UMPS: variants seen among roughly 807,000 people sequenced by gnomAD.
UMPS encodes the protein uridine 5'-monophosphate synthase.
UMPS carries 21 observed loss-of-function variants against 38.9 expected under a neutral mutation model. The ratio of observed to expected loss-of-function variants is 0.54; its 90% CI spans 0.38 to 0.78. The LOEUF is 0.78. UMPS is among the 30% of genes least tolerant of loss of function. The pLI is 0.00. For synonymous variants in UMPS, 208 were observed against 219.3 expected (o/e 0.95, Z 0.45); for missense variants, 533 against 591.6 (o/e 0.90, Z 1.03).
chr3:124,748,601 T>C lies in UMPS; in HGVS notation c.*4517T>C. On this transcript the variant is annotated 3_prime_UTR_variant, in exon 6 of 6. Coordinates refer to ENST00000232607, the MANE Select transcript of UMPS (RefSeq NM_000373.4). ...CAGAGTCAGATCCTGGTGTGGGCTCTCACGTGCTGCTGCTGAATCCCAGGG... is the reference window on the plus strand; with the variant it reads ...CAGAGTCAGATCCTGGTGTGGGCTCCCACGTGCTGCTGCTGAATCCCAGGG... 1 of 454,040 alleles carries C rather than the reference T, an allele frequency of 2.2e-6. No individual in the cohort carries two copies. The highest frequency in any genetic ancestry group is 1.6e-5 in the South Asian group (1 of 64,452). The allele number at this position is 454,040 out of a possible 1,614,324, so 28.1% of individuals were successfully genotyped here. A position where few individuals can be genotyped will look rare whatever the true frequency, so the allele number is the denominator to read the frequency against.
chr3:124,746,632 G>C lies in UMPS; in HGVS notation c.*2548G>C. On this transcript the variant is annotated 3_prime_UTR_variant, in exon 6 of 6. Coordinates refer to ENST00000232607, the MANE Select transcript of UMPS (RefSeq NM_000373.4). ...CATTGTAACTCCTGGTCTTAGTGGG[G>C]AATATAGGGACCCCATGTCTCCATG... The C allele has an allele frequency of 2.2e-6, 1 of 454,084 alleles. No homozygotes were observed. Among genetic ancestry groups the C allele is most frequent in the Non-Finnish European group, 4.4e-6 (1 of 226,796 alleles). 28.1% of individuals were successfully genotyped at this position (454,084 alleles called of 1,614,324 possible). A position where few individuals can be genotyped will look rare whatever the true frequency, so the allele number is the denominator to read the frequency against.
At chr3:124,739,895 TG>T (rs2063544219) in intron 3 of UMPS, 128 bp from the exon 4 acceptor site, 2 of 904,672 alleles carry the variant, frequency 2.2e-6, no homozygotes, top group Middle Eastern at 3.1e-4. Context: ...CTAAAGTTCC[TG>T]AAGAGTTTTG....
rs1190853278 is a variant in UMPS, at chr3:124,738,046, CAG to C, written c.794_795del (p.Glu265AlafsTer11). On this transcript the variant is annotated frameshift_variant, in exon 3 of 6. Coordinates refer to ENST00000232607, the MANE Select transcript of UMPS (RefSeq NM_000373.4). LOFTEE classifies it high-confidence loss of function. The stretch of plus-strand genomic sequence containing the variant: ...GTCTATCTGCTGATGTTTCACTGGC[CAG>C]AGAGCTGTTGCAGCTAGCAGATGCT... ...LCLSADVSLARELLQLADALG... is the reference protein window; with the variant it reads ...LCLSADVSLAXELLQLADALG... The C allele has an allele frequency of 6.2e-7, 1 of 1,614,056 alleles. No individual in the cohort carries two copies. The highest frequency in any genetic ancestry group is 8.5e-7 in the Non-Finnish European group (1 of 1,180,044).
At chr3:124,731,448 AGAACAATG>A in intron 1 of UMPS, 2 of 380,972 alleles carry the variant, frequency 5.2e-6, no homozygotes, top group South Asian at 4.2e-5. Flanking sequence ...TGTGATACAA[AGAACAATG>A]TATAGCTAAT....
Position 124,748,842 on chromosome 3 carries a change from GA to G in UMPS, c.*4760del, listed in dbSNP as rs1280413123. ...TCCAGAGTAACATTATAGAGAAGCT[GA>G]ATTCTCCTGTTTTTCTGAAAAGGGC... is the stretch of plus-strand genomic sequence containing the variant. On this transcript the variant is annotated 3_prime_UTR_variant, in exon 6 of 6. Coordinates refer to ENST00000232607, the MANE Select transcript of UMPS (RefSeq NM_000373.4). The G allele has an allele frequency of 4.9e-6, 2 of 411,578 alleles. No homozygotes were observed. Among genetic ancestry groups the G allele is most frequent in the East Asian group, 1.4e-4 (2 of 14,134 alleles). The allele number at this position is 411,578 out of a possible 1,614,324, so 25.5% of individuals were successfully genotyped here. A position where few individuals can be genotyped will look rare whatever the true frequency, so the allele number is the denominator to read the frequency against.
At chr3:124,734,528 G>T (rs900281951) in intron 1 of UMPS, among the ~76,000 whole-genome samples, 3 of 152,092 alleles carry the variant, frequency 2.0e-5, no homozygotes, top group African/African-American at 7.2e-5. Context: ...CACATCTCAG[G>T]TTGCCTTCAG....
In UMPS at chr3:124,738,185, T is replaced by C. The variant is rs755476006; in HGVS notation, c.928T>C (p.Phe310Leu). 1.2e-6 allele frequency: 2 copies of C among 1,614,072 alleles called. No individual in the cohort carries two copies. The highest frequency in any genetic ancestry group is 8.5e-7 in the Non-Finnish European group (1 of 1,180,046). The change falls in exon 3 of 6, where the codon TTT (phenylalanine) becomes CTT (leucine). Residue 310 changes from phenylalanine to leucine, a missense_variant. Coordinates refer to ENST00000232607, the MANE Select transcript of UMPS (RefSeq NM_000373.4). ...GGCAAAATGCCATGAGTTCTTGATA[T>C]TTGAAGACCGGAAGTTTGCAGATAT... ...TLAKCHEFLI[F>L]EDRKFADIGN... is the part of the protein sequence containing the mutation.
intron 4 of UMPS, among the ~76,000 whole-genome samples, chr3:124,741,751 T>G (rs940327279): frequency 1.3e-5 from 2 of 152,204 alleles, no homozygotes; most frequent in African/African-American, 4.8e-5. Context: ...GGATTTCTGC[T>G]TTACGTATGG....
intron 1 of UMPS, among the ~76,000 whole-genome samples, chr3:124,732,211 AC>A (rs1300218289): frequency 2.3e-4 from 35 of 152,354 alleles, no homozygotes; most frequent in Admixed American, 7.2e-4. Context: ...AGTCAGGGCA[AC>A]TACTCATATT....
Position 124,744,230 on chromosome 3 carries a change from G to A in UMPS, c.*146G>A. On this transcript the variant is annotated 3_prime_UTR_variant, in exon 6 of 6. Transcript: ENST00000232607. ...TAAGAATGGGTTCTGGAGTTCTCAT[G>A]GTCTTTAGGAAATATTGAGTAATTT... The A allele has an allele frequency of 1.1e-6, 1 of 907,408 alleles. No homozygotes were observed. The highest frequency in any genetic ancestry group is 1.4e-5 in the South Asian group (1 of 71,290). The allele number at this position is 907,408 out of a possible 1,614,324, so 56.2% of individuals were successfully genotyped here.
At chr3:124,742,034 G>C in intron 4 of UMPS, 118 bp from the exon 5 acceptor site, 1 of 870,234 alleles carries the variant, frequency 1.1e-6, no homozygotes, top group East Asian at 2.4e-5. Flanking sequence ...AGGGAACATA[G>C]GGAGACCTCA....
In UMPS at chr3:124,747,779, C is replaced by T. The variant is rs1313715635; in HGVS notation, c.*3695C>T. On this transcript the variant is annotated 3_prime_UTR_variant, in exon 6 of 6. Coordinates refer to ENST00000232607, the MANE Select transcript of UMPS (RefSeq NM_000373.4). The stretch of plus-strand genomic sequence containing the variant: ...CCACCAGGAACCAGTCTTCTGCCTT[C>T]CCAACCATCACCTCTGGCTGCATCA... 4.4e-6 allele frequency: 2 copies of T among 450,668 alleles called. No homozygotes were observed. The highest frequency in any genetic ancestry group is 8.9e-6 in the Non-Finnish European group (2 of 223,784). 27.9% of individuals were successfully genotyped at this position (450,668 alleles called of 1,614,324 possible).
rs1422858310 is a variant in UMPS, at chr3:124,744,998, G to A, written c.*914G>A. On this transcript the variant is annotated 3_prime_UTR_variant, in exon 6 of 6. Coordinates refer to ENST00000232607, the MANE Select transcript of UMPS (RefSeq NM_000373.4). ...TTTCAACAACCGGAGTTGGGGTTTG[G>A]GCTCATTTTTTCCCCTAGCCAGCAA... 2.2e-6 allele frequency: 1 copy of A among 454,012 alleles called. No homozygotes were observed. Among genetic ancestry groups the A allele is most frequent in the Non-Finnish European group, 4.4e-6 (1 of 226,776 alleles). The allele number at this position is 454,012 out of a possible 1,614,324, so 28.1% of individuals were successfully genotyped here.
Position 124,747,912 on chromosome 3 carries a change from T to A in UMPS, c.*3828T>A, listed in dbSNP as rs1182119134. On this transcript the variant is annotated 3_prime_UTR_variant, in exon 6 of 6. Transcript: ENST00000232607. Reference sequence around the variant, plus strand: ...AATGACCATGAGTAACCCTGTGGACTCTCTGCAGCTTGGTTCCTTTGCCCC... The same window carrying A: ...AATGACCATGAGTAACCCTGTGGACACTCTGCAGCTTGGTTCCTTTGCCCC... 2 of 453,696 alleles carry A rather than the reference T, an allele frequency of 4.4e-6. No homozygotes were observed. The highest frequency in any genetic ancestry group is 1.6e-5 in the South Asian group (1 of 64,458). 28.1% of individuals were successfully genotyped at this position (453,696 alleles called of 1,614,324 possible). A position where few individuals can be genotyped will look rare whatever the true frequency, so the allele number is the denominator to read the frequency against.
rs186337218 is a variant in UMPS at position 124,744,432 on chromosome 3, C to T, written c.*348C>T. ...ATTCTATTTATTTTTTAATTTTTTT[C>T]GAGACAGGATCTCACTCTGTTGCCC... On this transcript the variant is annotated 3_prime_UTR_variant, in exon 6 of 6. Coordinates refer to ENST00000232607, the MANE Select transcript of UMPS (RefSeq NM_000373.4). The T allele has an allele frequency of 1.4e-4, 62 of 455,890 alleles. No individual in the cohort carries two copies. In the East Asian group the frequency reaches 3.3e-3, roughly 24 times the overall value. The allele number at this position is 455,890 out of a possible 1,614,324, so 28.2% of individuals were successfully genotyped here. A position where few individuals can be genotyped will look rare whatever the true frequency, so the allele number is the denominator to read the frequency against.
intron 1 of UMPS, chr3:124,731,511 A>C (rs1306343942): frequency 6.9e-6 from 3 of 436,546 alleles, no homozygotes; most frequent in Non-Finnish European, 1.4e-5. Context: ...TTTAGATGGG[A>C]TCTCTCTTAC....
chr3:124,731,900 A>C (rs1186991812), intron 1 of UMPS, among the ~76,000 whole-genome samples: 4 of 149,560 alleles, frequency 2.7e-5, no homozygotes, highest in African/African-American at 4.9e-5. Context: ...AAAAAAAGAG[A>C]TCCTCTTACC....
In UMPS at chr3:124,745,012, C is replaced by G. The variant is rs1447499948; in HGVS notation, c.*928C>G. 8.8e-6 allele frequency: 4 copies of G among 454,072 alleles called. No individual in the cohort carries two copies. In the East Asian group the frequency reaches 2.8e-4, roughly 32 times the overall value. 28.1% of individuals were successfully genotyped at this position (454,072 alleles called of 1,614,324 possible). A position where few individuals can be genotyped will look rare whatever the true frequency, so the allele number is the denominator to read the frequency against. On this transcript the variant is annotated 3_prime_UTR_variant, in exon 6 of 6. Coordinates refer to ENST00000232607, the MANE Select transcript of UMPS (RefSeq NM_000373.4). Reference sequence around the variant, plus strand: ...GTTGGGGTTTGGGCTCATTTTTTCCCCTAGCCAGCAATTATGGACCAGTAG... The same window carrying G: ...GTTGGGGTTTGGGCTCATTTTTTCCGCTAGCCAGCAATTATGGACCAGTAG...
At chr3:124,738,327 C>A in intron 3 of UMPS, 88 bp downstream of exon 3, 1 of 1,422,260 alleles carries the variant, frequency 7.0e-7, no homozygotes, top group Non-Finnish European at 9.7e-7. Context: ...ATTGAAAGTC[C>A]ATTCATAGAG....
Sources: gnomAD v4.1 joint callset for allele counts (sites outside exome capture counted in the v4.1 genomes callset) on GRCh38, gnomAD v4.1.1 for gene constraint, MANE v1.5 for transcripts, NCBI Gene and HGNC (gene_info 2026-07-23, HGNC 2026-07-21) for gene names.